DAB1: variants seen among roughly 807,000 people sequenced by gnomAD.
The protein encoded by DAB1 is DAB adaptor protein 1, also known as disabled homolog 1.
In DAB1, 15 loss-of-function variants were observed where a neutral mutation model predicts 64.6. That is an observed-to-expected ratio of 0.23 (90% confidence interval 0.16 to 0.36). The LOEUF (loss-of-function observed/expected upper bound fraction) is 0.36. Among genes scored for constraint, DAB1 ranks in the 10% least tolerant of loss-of-function variants. The probability of loss-of-function intolerance (pLI) is 1.00; values close to 1 mark genes in which losing one functional copy is unlikely to be tolerated. For synonymous variants in DAB1, 235 were observed against 251.9 expected (o/e 0.93, Z 0.64); for missense variants, 596 against 706.7 (o/e 0.84, Z 1.78).
At chr1:57,857,853 CAA>C (rs761614350) in intron 1 of DAB1, among the ~76,000 whole-genome samples, 1 of 53,450 alleles carries the variant, frequency 1.9e-5, no homozygotes, top group Non-Finnish European at 4.4e-5. Flanking sequence ...AATGTTCATA[CAA>C]AAAAAAAAAA....
intron 1 of DAB1, among the ~76,000 whole-genome samples, chr1:57,846,374 T>C (rs1286421281): frequency 2.0e-5 from 3 of 149,416 alleles, no homozygotes; most frequent in Non-Finnish European, 4.4e-5. Context: ...AGGAGAATGG[T>C]GTGAACCCGG....
intron 6 of DAB1, among the ~76,000 whole-genome samples, chr1:57,705,728 T>C (rs1341784732): frequency 6.6e-6 from 1 of 152,174 alleles, no homozygotes; most frequent in African/African-American, 2.4e-5. Flanking sequence ...ATCAATCTTA[T>C]TTTTAAATCG....
intron 6 of DAB1, among the ~76,000 whole-genome samples, chr1:57,728,850 G>A (rs1232640632): frequency 1.3e-5 from 2 of 152,074 alleles, no homozygotes; most frequent in African/African-American, 4.8e-5. Flanking sequence ...ATCAATAATG[G>A]CACTCCCATT....
chr1:57,461,787 TA>T (rs1396254870), intron 7 of DAB1, among the ~76,000 whole-genome samples: 1 of 152,172 alleles, frequency 6.6e-6, no homozygotes, highest in Non-Finnish European at 1.5e-5. Context: ...GTTAGGTTTC[TA>T]TCTTCCTCCC....
At chr1:57,548,970 G>A (rs545696378) in intron 7 of DAB1, among the ~76,000 whole-genome samples, 175 of 152,262 alleles carry the variant, frequency 1.1e-3, no homozygotes, top group Admixed American at 2.0e-3. Context: ...ATGAGGCACC[G>A]AAAGCTTTAA....
chr1:57,180,170 A>C (rs1421447929), intron 2 of DAB1, among the ~76,000 whole-genome samples: 3 of 152,194 alleles, frequency 2.0e-5, no homozygotes, highest in Non-Finnish European at 2.9e-5. Flanking sequence ...GCCTTAGGTG[A>C]GAGGACACAG....
chr1:58,466,684 A>G (rs983017273), intron 3 of DAB1, among the ~76,000 whole-genome samples: 1 of 151,814 alleles, frequency 6.6e-6, no homozygotes, highest in African/African-American at 2.4e-5. Flanking sequence ...TCTTCCCTCC[A>G]CCTACCCTCA....
chr1:57,715,355 C>T (rs927427438), intron 6 of DAB1, among the ~76,000 whole-genome samples: 1 of 152,132 alleles, frequency 6.6e-6, no homozygotes, highest in Non-Finnish European at 1.5e-5. Context: ...AGCTTTTCCT[C>T]TAATATCTGG....
At chr1:57,363,869 G>T (rs2100906854) in intron 1 of DAB1, among the ~76,000 whole-genome samples, 1 of 152,260 alleles carries the variant, frequency 6.6e-6, no homozygotes, top group African/African-American at 2.4e-5. Context: ...TTTCAGACAT[G>T]CCCCAGCACA....
chr1:58,339,137 G>A (rs957221232), intron 4 of DAB1, among the ~76,000 whole-genome samples: 1 of 152,032 alleles, frequency 6.6e-6, no homozygotes, highest in Non-Finnish European at 1.5e-5. Flanking sequence ...ACTTTTAAAT[G>A]GTGAATTTTA....
chr1:58,355,378 C>T (rs1274834682), intron 3 of DAB1, among the ~76,000 whole-genome samples: 1 of 152,112 alleles, frequency 6.6e-6, no homozygotes, highest in Non-Finnish European at 1.5e-5. Flanking sequence ...TGGTGGTCTA[C>T]CAGTGGAAAT....
chr1:57,195,843 T>C (rs952588899), intron 2 of DAB1, among the ~76,000 whole-genome samples: 1 of 152,272 alleles, frequency 6.6e-6, no homozygotes, highest in South Asian at 2.1e-4. Context: ...TTGGTGGCTA[T>C]TACTAGAAGT....
intron 1 of DAB1, chr1:57,878,504 T>A: frequency 6.6e-6 from 1 of 152,188 alleles, no homozygotes; most frequent in South Asian, 2.1e-4. Context: ...CTGAGCTTAA[T>A]CAAACATGTT....
intron 1 of DAB1, chr1:57,307,222 A>G (rs1674260431): frequency 6.6e-6 from 1 of 152,146 alleles, no homozygotes; most frequent in Admixed American, 6.5e-5. Context: ...TCCTCATTTT[A>G]CCATGGTTGG....
intron 6 of DAB1, among the ~76,000 whole-genome samples, chr1:57,651,191 C>T (rs970944102): frequency 6.6e-6 from 1 of 151,820 alleles, no homozygotes; most frequent in Non-Finnish European, 1.5e-5. Flanking sequence ...AAAATATACA[C>T]ACACACAAAG....
chr1:58,038,154 C>T (rs1647075790), intron 5 of DAB1, among the ~76,000 whole-genome samples: 1 of 151,984 alleles, frequency 6.6e-6, no homozygotes, highest in Non-Finnish European at 1.5e-5. Context: ...GGGGCAAAAA[C>T]CAAAATGAGG....
chr1:57,765,509 G>A (rs1232510777), intron 6 of DAB1, among the ~76,000 whole-genome samples: 5 of 152,138 alleles, frequency 3.3e-5, no homozygotes, highest in African/African-American at 9.7e-5. Context: ...TTTCCACTTC[G>A]ATGACAAGCC....
chr1:58,370,013 A>T (rs1004911182), intron 3 of DAB1, among the ~76,000 whole-genome samples: 2 of 152,106 alleles, frequency 1.3e-5, no homozygotes, highest in African/African-American at 2.4e-5. Context: ...AACTAGTAAA[A>T]TTTTTTTTAA....
At chr1:57,831,537 C>CTTT (rs5774372) in intron 1 of DAB1, among the ~76,000 whole-genome samples, 33 of 112,308 alleles carry the variant, frequency 2.9e-4, no homozygotes, top group East Asian at 1.0e-3. Flanking sequence ...ATTTTCTTCT[C>CTTT]TTTTTTTTTT....
Sources: gnomAD v4.1 joint callset for allele counts (sites outside exome capture counted in the v4.1 genomes callset) on GRCh38, gnomAD v4.1.1 for gene constraint, MANE v1.5 for transcripts, NCBI Gene and HGNC (gene_info 2026-07-23, HGNC 2026-07-21) for gene names.